The following ADGRD1 variants were observed in gnomAD, a reference collection of about 807,000 sequenced individuals.
ADGRD1 encodes adhesion G protein-coupled receptor D1.
ADGRD1 carries 77 observed loss-of-function variants against 113.4 expected under a neutral mutation model. The observed-to-expected ratio is 0.68, with a 90% confidence interval of 0.57 to 0.82. The LOEUF (loss-of-function observed/expected upper bound fraction) is 0.82, where lower values mean the gene tolerates loss of function less well. Ranked by LOEUF, ADGRD1 falls within the 40% of genes least tolerant of loss-of-function variation. The pLI, the probability that ADGRD1 is intolerant of heterozygous loss-of-function variation, is 0.00. For missense variants in ADGRD1, 1,036 were observed against 1,139.1 expected, an observed-to-expected ratio of 0.91 and a Z score of 1.30; for synonymous variants, 474 against 475.0, an observed-to-expected ratio of 1.00 and a Z score of 0.03.
intron 4 of ADGRD1, chr12:130,978,407 G>T (rs940277110): frequency 6.6e-6 from 1 of 152,072 alleles, no homozygotes; most frequent in Non-Finnish European, 1.5e-5. Flanking sequence ...AGGATTCAGT[G>T]CTTATAACAA....
At chr12:131,087,192 A>G (rs1312780824) in intron 15 of ADGRD1, among the ~76,000 whole-genome samples, 1 of 152,250 alleles carries the variant, frequency 6.6e-6, no homozygotes, top group Non-Finnish European at 1.5e-5. Context: ...GGTGTGAGCC[A>G]CTGCACCAGC....
At position 131,049,163 on chromosome 12, in the gene ADGRD1, C is replaced by T. The variant is rs150072814; in HGVS notation, c.1474-27638C>T. Among the ~76,000 whole-genome samples, 543 of 152,332 alleles carry T rather than the reference C, an allele frequency of 3.6e-3. 6 individuals are homozygous for T. Among genetic ancestry groups the T allele is most frequent in the African/African-American group, 0.013 (524 of 41,562 alleles). ...TGTGGATTAGCTGTGTGACTGTGAC[C>T]GAGTCCCTGGGGTCTCTGGTCTCAG... On this transcript the variant is annotated intron_variant, in intron 13 of 24. Transcript: ENST00000261654.
chr12:130,994,217 C>A, intron 8 of ADGRD1: 1 of 447,074 alleles, frequency 2.2e-6, no homozygotes, highest in Non-Finnish European at 4.5e-6. Context: ...GGTCCTTATG[C>A]ATGTATGCAC....
At chr12:131,136,269 C>A in intron 22 of ADGRD1, 106 bp downstream of exon 22, 1 of 1,372,184 alleles carries the variant, frequency 7.3e-7, no homozygotes, top group Non-Finnish European at 1.0e-6. Flanking sequence ...CCCTCCCGGC[C>A]ACACCTTAGG....
intron 3 of ADGRD1, chr12:130,968,936 C>A: frequency 8.7e-7 from 1 of 1,153,526 alleles, no homozygotes; most frequent in Non-Finnish European, 1.3e-6. Context: ...TCTTTTGTCT[C>A]ACTCACTTGC....
chr12:131,132,323 G>A (rs939046611), intron 21 of ADGRD1, among the ~76,000 whole-genome samples: 4 of 152,150 alleles, frequency 2.6e-5, no homozygotes, highest in Non-Finnish European at 4.4e-5. Context: ...GAGAAGGGGC[G>A]GGGTCTCTGG....
At position 131,004,244 on chromosome 12, in the gene ADGRD1, G is replaced by C. The variant is rs73473278; in HGVS notation, c.1203G>C (p.Pro401=). 4.3e-6 allele frequency: 7 copies of C among 1,613,724 alleles called. No individual in the cohort carries two copies. Among genetic ancestry groups the C allele is most frequent in the Non-Finnish European group, 5.9e-6 (7 of 1,179,970 alleles). The change falls in exon 11 of 25, where the codon CCG becomes CCC. Residue 401 remains proline, a synonymous_variant. Coordinates refer to ENST00000261654, the MANE Select transcript of ADGRD1 (RefSeq NM_198827.5). ...TGAATTCCTCCCATTACCGCTTCCC[G>C]GCCCACGGGCAGAGCTTCATCCAGA... ...KTVNSSHYRF[P]AHGQSFIQIP... is the part of the protein sequence containing the mutation.
chr12:131,014,389 C>T (rs1266120422), intron 13 of ADGRD1, 49 bp downstream of exon 13: 2 of 1,556,946 alleles, frequency 1.3e-6, no homozygotes, highest in South Asian at 2.3e-5. Context: ...TCTGGTTTCA[C>T]ACTGAGGAAT....
chr12:131,134,706 A>G (rs1210401942), intron 21 of ADGRD1, among the ~76,000 whole-genome samples: 1 of 152,220 alleles, frequency 6.6e-6, no homozygotes, highest in Non-Finnish European at 1.5e-5. Flanking sequence ...GTCTCTTGAC[A>G]AGGAAGCTCA....
chr12:130,996,457 C>T lies in ADGRD1; in HGVS notation c.967-3926C>T, dbSNP rs1210920230. 6.2e-5 allele frequency among the ~76,000 whole-genome samples: 7 copies of T among 112,144 alleles called. 1 individual carries two copies. Among genetic ancestry groups the T allele is most frequent in the African/African-American group, 2.3e-4 (7 of 30,744 alleles). The allele number at this position is 112,144 out of a possible 152,430, so 73.6% of individuals were successfully genotyped here. A position where few individuals can be genotyped will look rare whatever the true frequency, so the allele number is the denominator to read the frequency against. ...GGGCGGCTGGCCGGGTAGAGGGGCT[C>T]CTCACTTCCCAGTAGGGGCGGCCGG... On this transcript the variant is annotated intron_variant, in intron 8 of 24. Transcript: ENST00000261654.
chr12:131,079,127 C>T (rs951458529), intron 14 of ADGRD1, among the ~76,000 whole-genome samples: 1 of 152,200 alleles, frequency 6.6e-6, no homozygotes, highest in African/African-American at 2.4e-5. Flanking sequence ...GGAGTCTAGC[C>T]TCTTTAATTT....
At chr12:130,976,861 A>AG (rs1409703481) in intron 4 of ADGRD1, 1 of 133,072 alleles carries the variant, frequency 7.5e-6, no homozygotes, top group Non-Finnish European at 1.6e-5. Flanking sequence ...GTCTCAATGA[A>AG]AAAAAAAAAA....
chr12:131,032,317 C>T (rs1002357798), intron 13 of ADGRD1, among the ~76,000 whole-genome samples: 3 of 152,200 alleles, frequency 2.0e-5, no homozygotes, highest in Non-Finnish European at 2.9e-5. Context: ...GTGCCACTCG[C>T]GACCCCGCCT....
At chr12:130,958,325 G>A (rs531997794) in intron 2 of ADGRD1, among the ~76,000 whole-genome samples, 1 of 151,782 alleles carries the variant, frequency 6.6e-6, no homozygotes, top group South Asian at 2.1e-4. Flanking sequence ...TCAGTCACCC[G>A]AGCAGCTGGG....
chr12:131,129,010 G>A (rs1366516636), intron 20 of ADGRD1, among the ~76,000 whole-genome samples: 1 of 103,248 alleles, frequency 9.7e-6, no homozygotes, highest in East Asian at 2.4e-4. Flanking sequence ...CTGCTGTCTG[G>A]TGTGAGTGAC....
intron 13 of ADGRD1, among the ~76,000 whole-genome samples, chr12:131,055,212 C>T (rs559935041): frequency 2.6e-5 from 4 of 152,286 alleles, no homozygotes; most frequent in South Asian, 2.1e-4. Context: ...ACCTGATTCT[C>T]GGGAGTCTGT....
intron 13 of ADGRD1, among the ~76,000 whole-genome samples, chr12:131,038,558 A>G (rs3893192): frequency 0.48 from 72,983 of 152,166 alleles, 18,524 homozygotes; most frequent in Non-Finnish European, 0.56. Flanking sequence ...GGGGGCAGAC[A>G]TGGCAAGTGG....
intron 18 of ADGRD1, among the ~76,000 whole-genome samples, chr12:131,109,296 A>G (rs1950300078): frequency 1.3e-5 from 2 of 151,256 alleles, no homozygotes; most frequent in African/African-American, 4.9e-5. Flanking sequence ...TCTTTTGCTT[A>G]TTTTAGCTTT....
At chr12:131,062,433 T>C (rs983535561) in intron 13 of ADGRD1, among the ~76,000 whole-genome samples, 2 of 152,194 alleles carry the variant, frequency 1.3e-5, no homozygotes, top group African/African-American at 2.4e-5. Flanking sequence ...GTGAGACAAA[T>C]GCCCAGGAGT....
Sources: gnomAD v4.1 joint callset for allele counts (sites outside exome capture counted in the v4.1 genomes callset) on GRCh38, gnomAD v4.1.1 for gene constraint, MANE v1.5 for transcripts, NCBI Gene and HGNC (gene_info 2026-07-23, HGNC 2026-07-21) for gene names.